Variants in TRIM9 observed in about 807,000 individuals in gnomAD.
The protein encoded by TRIM9 is tripartite motif containing 9.
In TRIM9, 26 loss-of-function variants were observed where a neutral mutation model predicts 78.3. The observed-to-expected ratio is 0.33, with a 90% CI of 0.24 to 0.46. TRIM9 has a LOEUF of 0.46. Among genes scored for constraint, TRIM9 ranks in the 20% least tolerant of loss-of-function variants. The pLI is 1.00. For missense variants in TRIM9, 787 were observed against 1,036.4 expected, an observed-to-expected ratio of 0.76 and a Z score of 3.30; for synonymous variants, 398 against 416.5, an observed-to-expected ratio of 0.96 and a Z score of 0.54.
At chr14:51,078,020 T>C (rs1029611742) in intron 1 of TRIM9, among the ~76,000 whole-genome samples, 2 of 152,240 alleles carry the variant, frequency 1.3e-5, no homozygotes, top group African/African-American at 4.8e-5. Context: ...CCTGAAGCTC[T>C]GTGCCTGCTG....
intron 1 of TRIM9, among the ~76,000 whole-genome samples, chr14:51,060,805 A>G (rs1224556232): frequency 6.6e-6 from 1 of 152,092 alleles, no homozygotes; most frequent in Admixed American, 6.6e-5. Context: ...TGATTCTTAC[A>G]TGATTGCATA....
intron 2 of TRIM9, 72 bp downstream of exon 2, chr14:51,025,193 G>A: frequency 1.5e-6 from 2 of 1,332,534 alleles, no homozygotes; most frequent in Non-Finnish European, 2.1e-6. Flanking sequence ...TAAAAGAGGA[G>A]AAGGAAACTC....
rs377311782 is a variant in TRIM9 at position 51,078,432 on chromosome 14, C to A, written c.822+15686G>T. ...CACGATAGCCAAGATATGGAAACAA[C>A]CTAAGTGTACACCAACAGACAAACA... On this transcript the variant is annotated intron_variant, in intron 1 of 12. Coordinates refer to ENST00000684578, the MANE Select transcript of TRIM9 (RefSeq NM_001387360.1). 7.9e-5 allele frequency among the ~76,000 whole-genome samples: 12 copies of A among 152,118 alleles called. No homozygotes were observed. The East Asian group carries it at 1.9e-3, about 24-fold the overall frequency.
intron 3 of TRIM9, among the ~76,000 whole-genome samples, chr14:51,012,839 C>T (rs58170601): frequency 0.031 from 4,672 of 152,240 alleles, 112 homozygotes; most frequent in African/African-American, 0.052. Flanking sequence ...ATACGTTTAT[C>T]GGCTGTTTGT....
chr14:51,074,216 C>G (rs751036446), intron 1 of TRIM9, among the ~76,000 whole-genome samples: 3 of 151,688 alleles, frequency 2.0e-5, no homozygotes, highest in Non-Finnish European at 4.4e-5. Context: ...CCCAGGAGTT[C>G]AAGACCAGCC....
chr14:51,080,748 A>G (rs973813973), intron 1 of TRIM9, among the ~76,000 whole-genome samples: 6 of 152,198 alleles, frequency 3.9e-5, no homozygotes, highest in African/African-American at 7.2e-5. Flanking sequence ...CTTAGGAGCC[A>G]AAGATGACAA....
intron 1 of TRIM9, among the ~76,000 whole-genome samples, chr14:51,040,468 A>C (rs1394488897): frequency 6.6e-6 from 1 of 152,090 alleles, no homozygotes; most frequent in Non-Finnish European, 1.5e-5. Flanking sequence ...ACAATGACAT[A>C]ATTTTATTTA....
At chr14:51,059,125 A>T (rs1596288294) in intron 1 of TRIM9, among the ~76,000 whole-genome samples, 2 of 152,298 alleles carry the variant, frequency 1.3e-5, no homozygotes, top group East Asian at 3.9e-4. Flanking sequence ...CCACCTCCAC[A>T]ATGGTCCTGG....
chr14:51,052,089 GA>G (rs2140086732), intron 1 of TRIM9, among the ~76,000 whole-genome samples: 1 of 152,166 alleles, frequency 6.6e-6, no homozygotes, highest in East Asian at 1.9e-4. Flanking sequence ...GAAAAGAAAA[GA>G]AAGGAATAGT....
intron 1 of TRIM9, among the ~76,000 whole-genome samples, chr14:51,093,683 G>T (rs1004531310): frequency 6.6e-6 from 1 of 152,162 alleles, no homozygotes; most frequent in Admixed American, 6.5e-5. Context: ...CCGTCCGCGC[G>T]ACCCCACCGC....
intron 1 of TRIM9, among the ~76,000 whole-genome samples, chr14:51,034,040 AAAACTGGTAATCCATGACTTTTC>A (rs1276921399): frequency 2.3e-4 from 35 of 152,244 alleles, no homozygotes; most frequent in Non-Finnish European, 4.7e-4. Flanking sequence ...ATAATCTATT[AAAACTGGTAATCCATGACTTTTC>A]AAACTGGTAA....
At chr14:51,061,782 A>T (rs371570089) in intron 1 of TRIM9, among the ~76,000 whole-genome samples, 1 of 152,198 alleles carries the variant, frequency 6.6e-6, no homozygotes, top group South Asian at 2.1e-4. Context: ...AGCAGCATTT[A>T]TCCTACTCAG....
chr14:51,018,675 G>A (rs2057459023), intron 3 of TRIM9, among the ~76,000 whole-genome samples: 1 of 152,138 alleles, frequency 6.6e-6, no homozygotes, highest in Admixed American at 6.5e-5. Context: ...GAGGCCCTCA[G>A]TAAATATTAA....
chr14:51,090,253 T>C (rs2064177826), intron 1 of TRIM9, among the ~76,000 whole-genome samples: 1 of 152,230 alleles, frequency 6.6e-6, no homozygotes, highest in Non-Finnish European at 1.5e-5. Context: ...ACCACAGGAA[T>C]ATATAGACTA....
chr14:51,095,018 C>T lies in TRIM9; in HGVS notation c.-79G>A. ...GAGGTGGCCGACGGGCCCGTCTTGTCCAGCACCCTGGCCAGCGGCGGCGGC... is the reference window on the plus strand; with the variant it reads ...GAGGTGGCCGACGGGCCCGTCTTGTTCAGCACCCTGGCCAGCGGCGGCGGC... On this transcript the variant is annotated 5_prime_UTR_variant, in exon 1 of 13. Transcript: ENST00000684578. 8.8e-7 allele frequency: 1 copy of T among 1,141,468 alleles called. No homozygotes were observed. The highest frequency in any genetic ancestry group is 1.1e-6 in the Non-Finnish European group (1 of 871,542). The allele number at this position is 1,141,468 out of a possible 1,614,324, so 70.7% of individuals were successfully genotyped here. A position where few individuals can be genotyped will look rare whatever the true frequency, so the allele number is the denominator to read the frequency against.
intron 2 of TRIM9, among the ~76,000 whole-genome samples, chr14:51,024,349 T>A (rs2058033479): frequency 6.6e-6 from 1 of 152,078 alleles, no homozygotes; most frequent in African/African-American, 2.4e-5. Context: ...TGTTAGGGAA[T>A]CAAAAGTTTA....
chr14:51,033,039 G>A (rs1419556335), intron 1 of TRIM9, among the ~76,000 whole-genome samples: 3 of 152,060 alleles, frequency 2.0e-5, no homozygotes, highest in African/African-American at 7.2e-5. Context: ...AACACTACTG[G>A]TCCTAATCAT....
chr14:51,031,361 T>C (rs1301394096), intron 1 of TRIM9, among the ~76,000 whole-genome samples: 1 of 151,974 alleles, frequency 6.6e-6, no homozygotes, highest in African/African-American at 2.4e-5. Context: ...CTGAGAAAAT[T>C]CAAGGCTGCC....
chr14:51,063,252 C>T (rs4606614), intron 1 of TRIM9, among the ~76,000 whole-genome samples: 20,137 of 151,822 alleles, frequency 0.13, 1,513 homozygotes, highest in Middle Eastern at 0.2. Flanking sequence ...CTGGAGTAGG[C>T]GGAATAAAAA....
Sources: allele counts gnomAD v4.1 joint callset (sites outside exome capture counted in the v4.1 genomes callset), GRCh38; gene constraint gnomAD v4.1.1; transcripts MANE v1.5; gene names NCBI Gene and HGNC (gene_info 2026-07-23, HGNC 2026-07-21).